Variants in RANBP2 observed in about 807,000 individuals in gnomAD.
RANBP2 encodes the protein RAN binding protein 2.
RANBP2 carries 57 observed loss-of-function variants against 303.6 expected under a neutral mutation model. The observed-to-expected ratio is 0.19, with a 90% CI of 0.15 to 0.23. RANBP2 has a LOEUF of 0.23. Among genes scored for constraint, RANBP2 ranks in the 10% least tolerant of loss-of-function variants. The pLI, the probability that RANBP2 is intolerant of heterozygous loss-of-function variation, is 1.00. For missense variants in RANBP2, 3,138 were observed against 3,780.8 expected (o/e 0.83, Z 4.46); for synonymous variants, 1,167 against 1,301.5 (o/e 0.90, Z 2.23).
chr2:109,248,423 T>A, the RANBP2 span, among the ~76,000 whole-genome samples: 1 of 152,236 alleles, frequency 6.6e-6, no homozygotes, highest in African/African-American at 2.4e-5. Flanking sequence ...TTTGGTAGGA[T>A]AATTAAGAAG....
At chr2:109,042,092 T>A in the RANBP2 span, among the ~76,000 whole-genome samples, 14 of 152,200 alleles carry the variant, frequency 9.2e-5, no homozygotes, top group Non-Finnish European at 1.6e-4. Context: ...TTATCTTACT[T>A]TCTCATAAGG....
the RANBP2 span, among the ~76,000 whole-genome samples, chr2:109,596,919 G>A: frequency 6.6e-6 from 1 of 152,116 alleles, no homozygotes; most frequent in Non-Finnish European, 1.5e-5. Flanking sequence ...TACTGGAAAA[G>A]ATTTTCTTAA....
rs759578724 is a variant in RANBP2 at position 108,748,990 on chromosome 2, C to G, written c.1134C>G (p.Asn378Lys). Residue 378 changes from asparagine (N) to lysine (K), a missense_variant, in exon 9 of 29, where the codon AAC becomes AAG. Around this residue, in one of 20 missense-constraint regions of RANBP2, gnomAD observed 95 missense variants for 86.4 expected, o/e 1.10. Coordinates refer to ENST00000283195, the MANE Select transcript of RANBP2 (RefSeq NM_006267.5). ...AAGAGATTGTTGAAACTTTTGCCAA[C>G]AAAAGCGGGCAGTCTGCATTATATG... The part of the protein sequence containing the change: ...FLKEIVETFA[N>K]KSGQSALYDA... The G allele has an allele frequency of 3.1e-6, 5 of 1,611,884 alleles. No homozygotes were observed. In the East Asian group the frequency reaches 1.1e-4, roughly 36 times the overall value.
At chr2:108,742,363 G>A (rs1385907339) in intron 7 of RANBP2, among the ~76,000 whole-genome samples, 4 of 152,156 alleles carry the variant, frequency 2.6e-5, no homozygotes, top group Admixed American at 6.5e-5. Flanking sequence ...GAGTGCAGTG[G>A]CGCAATCTCA....
chr2:109,416,152 G>A, the RANBP2 span, among the ~76,000 whole-genome samples: 7 of 152,160 alleles, frequency 4.6e-5, no homozygotes, highest in African/African-American at 1.7e-4. Flanking sequence ...TAGGTATTCT[G>A]TCGTAAGCAA....
At chr2:109,499,984 G>A in the RANBP2 span, among the ~76,000 whole-genome samples, 1 of 152,116 alleles carries the variant, frequency 6.6e-6, no homozygotes, top group African/African-American at 2.4e-5. Flanking sequence ...GAGAGTGGGG[G>A]AAGTGAAAAG....
chr2:108,855,850 G>T, the RANBP2 span, among the ~76,000 whole-genome samples: 4 of 152,282 alleles, frequency 2.6e-5, no homozygotes, highest in East Asian at 7.7e-4. Context: ...TTAATACGGT[G>T]ATTCTGTTGT....
the RANBP2 span, among the ~76,000 whole-genome samples, chr2:109,166,043 C>T: frequency 6.6e-6 from 1 of 152,106 alleles, no homozygotes; most frequent in East Asian, 1.9e-4. Flanking sequence ...AGATACATAC[C>T]TTGGTGAGCC....
chr2:109,679,187 G>A, the RANBP2 span, among the ~76,000 whole-genome samples: 1 of 152,162 alleles, frequency 6.6e-6, no homozygotes, highest in East Asian at 1.9e-4. Flanking sequence ...AAAAAATGTG[G>A]CACTAAATAG....
the RANBP2 span, among the ~76,000 whole-genome samples, chr2:109,213,107 T>C: frequency 3.3e-5 from 5 of 152,162 alleles, no homozygotes. Context: ...GTTGCATCAC[T>C]TTGGGTGCTC....
At chr2:109,136,015 A>G in the RANBP2 span, among the ~76,000 whole-genome samples, 3 of 152,194 alleles carry the variant, frequency 2.0e-5, no homozygotes, top group East Asian at 5.8e-4. Flanking sequence ...TAGCTTGTCT[A>G]CAGCTGCCTA....
the RANBP2 span, among the ~76,000 whole-genome samples, chr2:108,834,132 G>A: frequency 6.6e-6 from 1 of 151,128 alleles, no homozygotes. Context: ...GGTTCCAAGT[G>A]TTTCCTGTCA....
At chr2:108,815,914 A>G in the RANBP2 span, 1 of 1,570,904 alleles carries the variant, frequency 6.4e-7, no homozygotes, top group Non-Finnish European at 8.6e-7. Context: ...GTGAACTGAA[A>G]TAAATGATTT....
chr2:109,144,897 C>G, the RANBP2 span, among the ~76,000 whole-genome samples: 1 of 152,230 alleles, frequency 6.6e-6, no homozygotes, highest in Admixed American at 6.5e-5. Flanking sequence ...GTTCCCAGAG[C>G]TGGGGTGCTG....
At chr2:109,794,750 G>C in the RANBP2 span, 1 of 381,054 alleles carries the variant, frequency 2.6e-6, no homozygotes, top group East Asian at 4.7e-4. Context: ...CGCAGGAAGA[G>C]TCCTGGGGGG....
the RANBP2 span, among the ~76,000 whole-genome samples, chr2:109,330,654 TGATA>T: frequency 1.3e-5 from 2 of 151,922 alleles, no homozygotes; most frequent in Admixed American, 1.3e-4. Context: ...AAGGGAGGGA[TGATA>T]GATTGAGGAG....
chr2:109,336,834 C>T, the RANBP2 span, among the ~76,000 whole-genome samples: 2 of 152,196 alleles, frequency 1.3e-5, no homozygotes, highest in Non-Finnish European at 1.5e-5. Context: ...GAGGGACCCT[C>T]TCCTGCTCCA....
At chr2:109,590,969 A>C in the RANBP2 span, among the ~76,000 whole-genome samples, 2 of 152,246 alleles carry the variant, frequency 1.3e-5, no homozygotes, top group African/African-American at 4.8e-5. Flanking sequence ...AGAGCAGAGA[A>C]GGAAGATGGG....
At chr2:109,584,724 T>G in the RANBP2 span, among the ~76,000 whole-genome samples, 3 of 152,176 alleles carry the variant, frequency 2.0e-5, no homozygotes, top group Non-Finnish European at 4.4e-5. Context: ...AATTTGATTA[T>G]AATTTTACAA....
Sources: allele counts gnomAD v4.1 joint callset (sites outside exome capture counted in the v4.1 genomes callset), GRCh38; gene constraint gnomAD v4.1.1; regional missense constraint gnomAD v4.1.1; transcripts MANE v1.5; gene names NCBI Gene and HGNC (gene_info 2026-07-23, HGNC 2026-07-21).